SORCS3: variants seen among roughly 807,000 people sequenced by gnomAD.
SORCS3 encodes the protein VPS10 domain-containing receptor SorCS3.
In SORCS3, 57 loss-of-function variants were observed where a neutral mutation model predicts 146.3. The observed-to-expected ratio is 0.39, with a 90% CI of 0.31 to 0.49. The LOEUF (loss-of-function observed/expected upper bound fraction) is 0.49. Ranked by LOEUF, SORCS3 falls within the 20% of genes least tolerant of loss-of-function variation. The pLI, the probability that SORCS3 is intolerant of heterozygous loss-of-function variation, is 0.92. For missense variants in SORCS3, 1,341 were observed against 1,575.5 expected (o/e 0.85, Z 2.52); for synonymous variants, 653 against 618.5 (o/e 1.06, Z -0.83).
chr10:104,947,723 A>G (rs566119928), intron 3 of SORCS3, among the ~76,000 whole-genome samples: 1 of 152,204 alleles, frequency 6.6e-6, no homozygotes, highest in East Asian at 1.9e-4. Context: ...CCCAGGTTCA[A>G]GCTGTTCTCC....
At chr10:104,774,235 C>A (rs2017283336) in intron 1 of SORCS3, among the ~76,000 whole-genome samples, 1 of 152,166 alleles carries the variant, frequency 6.6e-6, no homozygotes, top group Non-Finnish European at 1.5e-5. Context: ...TCAGTCTTTA[C>A]TTTTGCCTGA....
intron 2 of SORCS3, among the ~76,000 whole-genome samples, chr10:104,850,455 T>C (rs778018301): frequency 7.9e-5 from 12 of 152,192 alleles, no homozygotes; most frequent in Non-Finnish European, 1.6e-4. Flanking sequence ...CATGGCGGCA[T>C]GTGCCTGTAG....
At chr10:104,713,888 T>G (rs1337580182) in intron 1 of SORCS3, among the ~76,000 whole-genome samples, 1 of 152,134 alleles carries the variant, frequency 6.6e-6, no homozygotes, top group Non-Finnish European at 1.5e-5. Flanking sequence ...TCAGGCCTGG[T>G]GATTTCTTTT....
At chr10:105,179,313 A>T (rs542401664) in intron 14 of SORCS3, among the ~76,000 whole-genome samples, 4 of 152,210 alleles carry the variant, frequency 2.6e-5, no homozygotes, top group South Asian at 4.2e-4. Flanking sequence ...AATGGTAATA[A>T]TTTTTTTCTC....
intron 1 of SORCS3, among the ~76,000 whole-genome samples, chr10:104,668,927 G>A (rs2133255519): frequency 6.6e-6 from 1 of 152,300 alleles, no homozygotes; most frequent in South Asian, 2.1e-4. Context: ...AATTAAACAG[G>A]TGCAGTCCCC....
intron 1 of SORCS3, among the ~76,000 whole-genome samples, chr10:104,806,870 A>G (rs2017684327): frequency 6.6e-6 from 1 of 152,156 alleles, no homozygotes; most frequent in Admixed American, 6.5e-5. Context: ...TGTGGTTTTC[A>G]TAATGAAACA....
At chr10:104,885,325 G>A (rs2018671889) in intron 2 of SORCS3, among the ~76,000 whole-genome samples, 1 of 152,196 alleles carries the variant, frequency 6.6e-6, no homozygotes, top group Non-Finnish European at 1.5e-5. Context: ...ATTTTAGTTT[G>A]TGCTGCCAGG....
chr10:105,048,192 C>T (rs1162791747), intron 5 of SORCS3, among the ~76,000 whole-genome samples: 1 of 151,270 alleles, frequency 6.6e-6, no homozygotes, highest in Non-Finnish European at 1.5e-5. Context: ...GGGTATATAC[C>T]CAAAGGATTA....
chr10:104,826,419 C>T (rs930069689), intron 1 of SORCS3, among the ~76,000 whole-genome samples: 1 of 152,122 alleles, frequency 6.6e-6, no homozygotes, highest in Non-Finnish European at 1.5e-5. Flanking sequence ...TGTTACAGTC[C>T]ACCACAATAA....
intron 1 of SORCS3, among the ~76,000 whole-genome samples, chr10:104,801,948 T>A (rs2017629135): frequency 6.6e-6 from 1 of 152,218 alleles, no homozygotes. Flanking sequence ...GATGTTAAAA[T>A]GGGAATTGTA....
At chr10:105,212,920 G>A (rs1371265521) in intron 17 of SORCS3, among the ~76,000 whole-genome samples, 1 of 152,112 alleles carries the variant, frequency 6.6e-6, no homozygotes, top group Non-Finnish European at 1.5e-5. Flanking sequence ...ACTATAATAT[G>A]AGGCATATAT....
chr10:104,662,688 T>G (rs1462155473), intron 1 of SORCS3, among the ~76,000 whole-genome samples: 1 of 152,182 alleles, frequency 6.6e-6, no homozygotes, highest in Non-Finnish European at 1.5e-5. Context: ...AAGCCTTCAT[T>G]GAATATTTGT....
At chr10:105,048,820 A>G (rs1332163875) in intron 5 of SORCS3, among the ~76,000 whole-genome samples, 2 of 152,212 alleles carry the variant, frequency 1.3e-5, no homozygotes, top group East Asian at 3.9e-4. Flanking sequence ...TTTTATATGT[A>G]GCCTAAATAT....
At chr10:105,238,025 C>G (rs2056803111) in intron 20 of SORCS3, among the ~76,000 whole-genome samples, 1 of 152,116 alleles carries the variant, frequency 6.6e-6, no homozygotes, top group African/African-American at 2.4e-5. Context: ...ATGACATTCT[C>G]CATACCTTCA....
At chr10:105,187,374 G>A (rs768656784) in intron 14 of SORCS3, among the ~76,000 whole-genome samples, 14 of 151,980 alleles carry the variant, frequency 9.2e-5, no homozygotes, top group African/African-American at 3.4e-4. Context: ...TCTGGCCTTC[G>A]CTCAGTGCAA....
chr10:105,057,776 T>C (rs966117954), intron 5 of SORCS3, among the ~76,000 whole-genome samples: 6 of 152,224 alleles, frequency 3.9e-5, no homozygotes, highest in Non-Finnish European at 8.8e-5. Flanking sequence ...AGTGTATTGC[T>C]TGTCAAAGGC....
intron 16 of SORCS3, among the ~76,000 whole-genome samples, chr10:105,207,844 T>C (rs888116136): frequency 2.0e-5 from 3 of 152,126 alleles, no homozygotes; most frequent in Non-Finnish European, 4.4e-5. Context: ...CTAAACACGG[T>C]TATATTTAGC....
At chr10:105,084,037 G>C (rs539889263) in intron 5 of SORCS3, among the ~76,000 whole-genome samples, 64 of 152,250 alleles carry the variant, frequency 4.2e-4, no homozygotes, top group African/African-American at 1.5e-3. Context: ...ATGTCTTTGG[G>C]CAAGTTGTTT....
chr10:104,837,255 T>C (rs903645652), intron 1 of SORCS3, among the ~76,000 whole-genome samples: 9 of 152,184 alleles, frequency 5.9e-5, no homozygotes, highest in Admixed American at 5.9e-4. Flanking sequence ...AATCATATTA[T>C]CCCAGTATGA....
Sources: gnomAD v4.1 joint callset for allele counts (sites outside exome capture counted in the v4.1 genomes callset) on GRCh38, gnomAD v4.1.1 for gene constraint, MANE v1.5 for transcripts, NCBI Gene and HGNC (gene_info 2026-07-23, HGNC 2026-07-21) for gene names.